Variants in CTBP1 observed in about 807,000 individuals in gnomAD.
CTBP1 encodes the protein C-terminal binding protein 1.
A neutral mutation model predicts 42.1 loss-of-function variants in CTBP1; 11 were observed. That is an observed-to-expected ratio of 0.26 (90% CI 0.16 to 0.43). The LOEUF (loss-of-function observed/expected upper bound fraction) is 0.43, where lower values mean the gene tolerates loss of function less well. CTBP1 is among the 20% of genes least tolerant of loss of function. The pLI is 1.00. For synonymous variants in CTBP1, 324 were observed against 277.1 expected (o/e 1.17, Z -1.68); for missense variants, 399 against 624.3 (o/e 0.64, Z 3.85).
rs1026276516 is a variant in CTBP1, at chr4:1,229,978, G to A, written c.163-1635C>T. Among the ~76,000 whole-genome samples the A allele has an allele frequency of 7.9e-5, 12 of 152,292 alleles. No homozygotes were observed. The East Asian group carries it at 9.7e-4, about 12-fold the overall frequency. On this transcript the variant is annotated intron_variant, in intron 3 of 9. Transcript: ENST00000382952. The stretch of plus-strand genomic sequence containing the variant: ...GAAGAAGGGAAGGTTGGAGCACCTC[G>A]GCTGCAGGAGGCAGGGAGGCATCTA...
At chr4:1,220,044 A>C (rs1729561399) in intron 5 of CTBP1, among the ~76,000 whole-genome samples, 2 of 152,200 alleles carry the variant, frequency 1.3e-5, no homozygotes, top group Non-Finnish European at 2.9e-5. Flanking sequence ...TCTACTAAAA[A>C]TACAAAAATT....
At chr4:1,248,680 G>T (rs1463288145) in intron 1 of CTBP1, 2 of 982,510 alleles carry the variant, frequency 2.0e-6, no homozygotes, top group East Asian at 1.2e-4. Flanking sequence ...CCGCGGGCGG[G>T]GAGAGCAGAC....
chr4:1,241,555 A>G (rs773328594), intron 1 of CTBP1, 36 bp from the exon 2 acceptor site: 2 of 1,545,902 alleles, frequency 1.3e-6, no homozygotes, highest in Admixed American at 3.7e-5. Context: ...TTAAAATGCC[A>G]TCGAAGGTCC....
chr4:1,214,555 C>G, intron 6 of CTBP1, 82 bp from the exon 7 acceptor site: 1 of 1,473,286 alleles, frequency 6.8e-7, no homozygotes, highest in East Asian at 2.7e-5. Flanking sequence ...GTCACGCACG[C>G]CGTTGGGAAG....
At position 1,241,423 on chromosome 4, in the gene CTBP1, C is replaced by T. The variant is rs62293620; in HGVS notation, c.-92G>A. ...CCCCAGGCAGAACCGCGTCCTGTCT[C>T]GGAGCCTCATCCCACGTCCTTAATT... On this transcript the variant is annotated 5_prime_UTR_variant, in exon 2 of 10. Transcript: ENST00000382952. The T allele has an allele frequency of 0.019, 27,959 of 1,457,876 alleles. 323 individuals are homozygous for T. The highest frequency in any genetic ancestry group is 0.023 in the Non-Finnish European group (24,158 of 1,037,882). 90.3% of individuals were successfully genotyped at this position (1,457,876 alleles called of 1,614,324 possible). A position where few individuals can be genotyped will look rare whatever the true frequency, so the allele number is the denominator to read the frequency against.
chr4:1,215,776 A>C (rs1729040460), intron 6 of CTBP1: 1 of 597,592 alleles, frequency 1.7e-6, no homozygotes, highest in Admixed American at 3.0e-5. Flanking sequence ...TCTTGTCCAG[A>C]GAGTATTTTA....
chr4:1,243,235 G>A (rs1280481239), intron 1 of CTBP1: 3 of 985,306 alleles, frequency 3.0e-6, no homozygotes, highest in Admixed American at 6.1e-5. Context: ...ATACTGGCCA[G>A]TACGTGCCCA....
chr4:1,248,700 C>G (rs1010426204), intron 1 of CTBP1: 2 of 981,670 alleles, frequency 2.0e-6, no homozygotes, highest in Non-Finnish European at 1.2e-6. Context: ...CTGCGGCGCT[C>G]GCGCACACGC....
Position 1,212,367 on chromosome 4 carries a change from C to A in CTBP1, c.1163G>T (p.Gly388Val). ...APTGIPAAVE[G>V]IVPSAMSLSH... ...CAGGGACATGGCGCTGGGGACGATA[C>A]CTTCCACAGCAGCTGGGATGCCAGT... The change falls in exon 10 of 10, where the codon GGT (glycine) becomes GTT (valine). Residue 388 changes from glycine (G) to valine (V), a missense_variant. Coordinates refer to ENST00000382952, the MANE Select transcript of CTBP1 (RefSeq NM_001012614.2). 6.7e-7 allele frequency: 1 copy of A among 1,503,620 alleles called. No individual in the cohort carries two copies. The highest frequency in any genetic ancestry group is 8.8e-7 in the Non-Finnish European group (1 of 1,130,214). The allele number at this position is 1,503,620 out of a possible 1,614,324, so 93.1% of individuals were successfully genotyped here. A position where few individuals can be genotyped will look rare whatever the true frequency, so the allele number is the denominator to read the frequency against.
chr4:1,224,996 C>A (rs149547913), intron 5 of CTBP1, among the ~76,000 whole-genome samples: 1 of 150,622 alleles, frequency 6.6e-6, no homozygotes, highest in East Asian at 2.0e-4. Context: ...CTGTGACATC[C>A]GTGTGTTATC....
intron 1 of CTBP1, chr4:1,241,762 G>A (rs538176272): frequency 7.1e-4 from 844 of 1,192,740 alleles, no homozygotes; most frequent in East Asian, 2.5e-3. Flanking sequence ...CTGTGGCCCC[G>A]AGGCCTACTC....
intron 6 of CTBP1, chr4:1,215,688 C>T (rs901727392): frequency 6.7e-6 from 3 of 444,586 alleles, no homozygotes; most frequent in East Asian, 8.9e-5. Context: ...CCAACGCCCC[C>T]AGGTAGCTGC....
intron 3 of CTBP1, among the ~76,000 whole-genome samples, chr4:1,228,697 G>A (rs1280796712): frequency 1.5e-5 from 2 of 132,872 alleles, no homozygotes; most frequent in Admixed American, 1.5e-4. Context: ...AAGAAACGGG[G>A]TCCCGCCTGG....
chr4:1,243,755 C>T lies in CTBP1; in HGVS notation c.-188-2236G>A, dbSNP rs775702674. 274 of 985,340 alleles carry T rather than the reference C, an allele frequency of 2.8e-4. 1 individual carries two copies. The highest frequency in any genetic ancestry group is 1.0e-3 in the Middle Eastern group (2 of 1,936). The allele number at this position is 985,340 out of a possible 1,614,324, so 61.0% of individuals were successfully genotyped here. Reference sequence around the variant, plus strand: ...GCTCCAGCTCTGTACCTTGCCCACACACTCCGAGGTGAAGGCACACGGCTC... The same window carrying T: ...GCTCCAGCTCTGTACCTTGCCCACATACTCCGAGGTGAAGGCACACGGCTC... On this transcript the variant is annotated intron_variant, in intron 1 of 9. Transcript: ENST00000382952.
intron 5 of CTBP1, chr4:1,221,313 G>A (rs536283371): frequency 3.3e-5 from 5 of 152,488 alleles, no homozygotes; most frequent in African/African-American, 1.2e-4. Context: ...GCGGCTGCCG[G>A]AGCATGACGC....
chr4:1,228,408 G>C (rs1345127669), intron 3 of CTBP1, 65 bp from the exon 4 acceptor site: 4 of 1,565,378 alleles, frequency 2.6e-6, no homozygotes, highest in Non-Finnish European at 2.6e-6. Flanking sequence ...GCCTTCGGGG[G>C]TGGGGCTGCC....
In CTBP1 at chr4:1,228,223, C is replaced by T. The variant is rs750373897; in HGVS notation, c.283G>A (p.Asp95Asn). 28 of 1,614,002 alleles carry T rather than the reference C, an allele frequency of 1.7e-5. 1 individual carries two copies. Among genetic ancestry groups the T allele is most frequent in the South Asian group, 1.2e-4 (11 of 91,090 alleles). The change falls in exon 4 of 10, where the codon GAC (aspartate) becomes AAC (asparagine). Residue 95 changes from aspartate (D) to asparagine (N), a missense_variant. Physicochemically the swap from Asp to Asn is conservative, Grantham distance 23. Transcript: ENST00000382952. Reference protein sequence around the residue: ...VRIGSGFDNIDIKSAGDLGIA... With the variant: ...VRIGSGFDNINIKSAGDLGIA... The stretch of plus-strand genomic sequence containing the variant: ...CCTAAATCCCCGGCCGACTTGATGT[C>T]GATGTTGTCAAAACCACTGCCAATC...
intron 5 of CTBP1, among the ~76,000 whole-genome samples, chr4:1,219,909 T>C (rs1250090): frequency 0.78 from 118,852 of 152,240 alleles, 47,441 homozygotes; most frequent in South Asian, 0.91. Context: ...AATAACCAAC[T>C]GTCAAGAAAC....
chr4:1,220,668 G>C (rs890124130), intron 5 of CTBP1, among the ~76,000 whole-genome samples: 1 of 152,240 alleles, frequency 6.6e-6, no homozygotes, highest in Admixed American at 6.5e-5. Context: ...CAGGTCCACG[G>C]AACAGAAGAG....
Sources: gnomAD v4.1 joint callset for allele counts (sites outside exome capture counted in the v4.1 genomes callset) on GRCh38, gnomAD v4.1.1 for gene constraint, MANE v1.5 for transcripts, NCBI Gene and HGNC (gene_info 2026-07-23, HGNC 2026-07-21) for gene names.